The following CDH13 variants were observed in gnomAD, a reference collection of about 807,000 sequenced individuals.
The protein encoded by CDH13 is cadherin 13, also known as cadherin-13.
Under a neutral mutation model 63.8 loss-of-function variants are expected in CDH13, and 24 were observed. The observed-to-expected ratio is 0.38, with a 90% CI of 0.27 to 0.53. The LOEUF is 0.53. CDH13 is among the 20% of genes least tolerant of loss of function. CDH13 has a pLI of 0.85. For missense variants in CDH13, 1,049 were observed against 903.1 expected, an observed-to-expected ratio of 1.16 and a Z score of -2.07; for synonymous variants, 503 against 355.3, an observed-to-expected ratio of 1.42 and a Z score of -4.67.
chr16:83,602,869 A>G (rs910899452), intron 8 of CDH13, among the ~76,000 whole-genome samples: 46 of 152,348 alleles, frequency 3.0e-4, no homozygotes, highest in African/African-American at 1.1e-3. Context: ...TGCCATTTTC[A>G]TAGTTTTATT....
chr16:83,061,783 A>C (rs1316307554), intron 3 of CDH13, among the ~76,000 whole-genome samples: 1 of 152,260 alleles, frequency 6.6e-6, no homozygotes, highest in Non-Finnish European at 1.5e-5. Flanking sequence ...TACGGCACTT[A>C]TGAAGAATCT....
intron 3 of CDH13, among the ~76,000 whole-genome samples, chr16:83,078,272 A>G (rs1378513487): frequency 1.3e-5 from 2 of 152,070 alleles, no homozygotes; most frequent in African/African-American, 4.8e-5. Context: ...TGTTCTGTAA[A>G]CAAGCAGTCC....
At chr16:83,189,149 G>A (rs1189281754) in intron 4 of CDH13, among the ~76,000 whole-genome samples, 1 of 151,546 alleles carries the variant, frequency 6.6e-6, no homozygotes, top group African/African-American at 2.4e-5. Context: ...GGCAAAAGCG[G>A]TCACTTTGTT....
chr16:83,679,963 A>T (rs1915271738), intron 10 of CDH13, among the ~76,000 whole-genome samples: 2 of 152,186 alleles, frequency 1.3e-5, no homozygotes, highest in Non-Finnish European at 2.9e-5. Context: ...CCAGGACTAG[A>T]TGTCCTACTA....
chr16:82,845,664 T>G (rs1360650020), intron 1 of CDH13, among the ~76,000 whole-genome samples: 1 of 152,220 alleles, frequency 6.6e-6, no homozygotes, highest in African/African-American at 2.4e-5. Flanking sequence ...TTGAACTCCC[T>G]GAGGCTACTA....
At chr16:82,814,906 C>G (rs542257480) in intron 1 of CDH13, among the ~76,000 whole-genome samples, 5 of 152,074 alleles carry the variant, frequency 3.3e-5, no homozygotes, top group Non-Finnish European at 7.4e-5. Flanking sequence ...CAGAGGATTA[C>G]CCGCTGGTGT....
At chr16:83,406,707 C>G (rs2092053441) in intron 6 of CDH13, among the ~76,000 whole-genome samples, 1 of 152,124 alleles carries the variant, frequency 6.6e-6, no homozygotes, top group Non-Finnish European at 1.5e-5. Flanking sequence ...CTCAGGTGAT[C>G]CACCCGCCTC....
chr16:82,685,735 G>T (rs10514556), intron 1 of CDH13, among the ~76,000 whole-genome samples: 1 of 152,184 alleles, frequency 6.6e-6, no homozygotes, highest in Non-Finnish European at 1.5e-5. Flanking sequence ...TTTCGCTTCA[G>T]TTGGCTTTTA....
intron 7 of CDH13, among the ~76,000 whole-genome samples, chr16:83,498,904 C>T (rs1159642949): frequency 2.0e-5 from 3 of 152,096 alleles, no homozygotes; most frequent in Non-Finnish European, 4.4e-5. Context: ...TTCTATAGCT[C>T]GGTTTTAGGA....
At chr16:82,847,562 G>T (rs532260511) in intron 1 of CDH13, among the ~76,000 whole-genome samples, 14 of 152,222 alleles carry the variant, frequency 9.2e-5, no homozygotes, top group Admixed American at 2.6e-4. Flanking sequence ...ATTACATTGG[G>T]TTTACGTGAT....
intron 6 of CDH13, 109 bp downstream of exon 6, chr16:83,345,115 T>A: frequency 7.7e-7 from 1 of 1,292,290 alleles, no homozygotes. Context: ...TCAGCTCGTA[T>A]CAGCGTCGAC....
At position 82,666,012 on chromosome 16, in the gene CDH13, C is replaced by A. The variant is rs537329906; in HGVS notation, c.45+38875C>A. Among the ~76,000 whole-genome samples, 3 of 152,288 alleles carry A rather than the reference C, an allele frequency of 2.0e-5. No individual in the cohort carries two copies. In the East Asian group the frequency reaches 5.8e-4, roughly 29 times the overall value. Reference sequence around the variant, plus strand: ...TAAAGTTGAAAAACTGTTGTCTAGTCATTCTAAGTCAGGGAATATCTGTGT... The same window carrying A: ...TAAAGTTGAAAAACTGTTGTCTAGTAATTCTAAGTCAGGGAATATCTGTGT... On this transcript the variant is annotated intron_variant, in intron 1 of 13. Transcript: ENST00000567109.
intron 8 of CDH13, among the ~76,000 whole-genome samples, chr16:83,647,353 A>G (rs1462580489): frequency 2.7e-5 from 4 of 150,856 alleles, no homozygotes; most frequent in South Asian, 2.1e-4. Context: ...ATCCACTCTT[A>G]CCCTACCTGT....
intron 6 of CDH13, among the ~76,000 whole-genome samples, chr16:83,414,388 G>A (rs1160457407): frequency 1.3e-5 from 2 of 152,088 alleles, no homozygotes; most frequent in African/African-American, 2.4e-5. Flanking sequence ...ATTTTTAGAG[G>A]AAACAAATAT....
At chr16:83,258,009 C>G (rs894484955) in intron 5 of CDH13, among the ~76,000 whole-genome samples, 1 of 152,178 alleles carries the variant, frequency 6.6e-6, no homozygotes, top group Admixed American at 6.5e-5. Flanking sequence ...TTGCATTTCT[C>G]TAATGACACT....
chr16:83,170,874 GAA>G (rs2037884809), intron 4 of CDH13, among the ~76,000 whole-genome samples: 2 of 151,884 alleles, frequency 1.3e-5, no homozygotes, highest in African/African-American at 4.8e-5. Flanking sequence ...AAAATAGAGA[GAA>G]GAGATCCAGC....
Position 82,999,246 on chromosome 16 carries a change from GT to G in CDH13, c.158-32757del, listed in dbSNP as rs557661003. Among the ~76,000 whole-genome samples, 46 of 152,044 alleles carry G rather than the reference GT, an allele frequency of 3.0e-4. No homozygotes were observed. The East Asian group carries it at 3.9e-3, about 13-fold the overall frequency. On this transcript the variant is annotated intron_variant, in intron 2 of 13. Coordinates refer to ENST00000567109, the MANE Select transcript of CDH13 (RefSeq NM_001257.5). ...CCTTAATGTTACTAGCATTTAAGTT[GT>G]TTTTTTCCCCCCTCCTTTGTCAGTC...
At chr16:83,525,641 A>C (rs1458901454) in intron 7 of CDH13, among the ~76,000 whole-genome samples, 1 of 152,172 alleles carries the variant, frequency 6.6e-6, no homozygotes, top group Non-Finnish European at 1.5e-5. Context: ...AAAGGTGTCC[A>C]TGCTTTAGTG....
chr16:83,665,141 G>A (rs1913819422), intron 8 of CDH13, among the ~76,000 whole-genome samples: 1 of 151,820 alleles, frequency 6.6e-6, no homozygotes, highest in Non-Finnish European at 1.5e-5. Flanking sequence ...ACAAGAATGA[G>A]CAAGTGTGTG....
Sources: gnomAD v4.1 joint callset for allele counts (sites outside exome capture counted in the v4.1 genomes callset) on GRCh38, gnomAD v4.1.1 for gene constraint, MANE v1.5 for transcripts, NCBI Gene and HGNC (gene_info 2026-07-23, HGNC 2026-07-21) for gene names.